The following ZFHX3 variants were observed in gnomAD, a reference collection of about 807,000 sequenced individuals.
The protein encoded by ZFHX3 is zinc finger homeobox 3.
A neutral mutation model predicts 279.1 loss-of-function variants in ZFHX3; 42 were observed. That is an observed-to-expected ratio of 0.15 (90% CI 0.12 to 0.19). The LOEUF (loss-of-function observed/expected upper bound fraction) is 0.19. Among genes scored for constraint, ZFHX3 ranks in the 10% least tolerant of loss-of-function variants. The probability of loss-of-function intolerance (pLI) is 1.00; values close to 1 mark genes in which losing one functional copy is unlikely to be tolerated. For missense variants in ZFHX3, 4,981 were observed against 4,754.0 expected, an observed-to-expected ratio of 1.05 and a Z score of -1.40; for synonymous variants, 2,293 against 1,957.8, an observed-to-expected ratio of 1.17 and a Z score of -4.52.
At chr16:73,036,374 C>T (rs1964904878) in intron 1 of ZFHX3, among the ~76,000 whole-genome samples, 1 of 152,182 alleles carries the variant, frequency 6.6e-6, no homozygotes, top group African/African-American at 2.4e-5. Context: ...CATTTGCATT[C>T]CTCCAGCAGC....
At chr16:73,399,085 C>T (rs2017192838) in intron 3 of ZFHX3, among the ~76,000 whole-genome samples, 1 of 148,572 alleles carries the variant, frequency 6.7e-6, no homozygotes, top group Non-Finnish European at 1.5e-5. Flanking sequence ...GCCATGTTGG[C>T]CAGGCCAGTC....
At chr16:73,033,535 T>G (rs958979886) in intron 1 of ZFHX3, among the ~76,000 whole-genome samples, 1 of 148,670 alleles carries the variant, frequency 6.7e-6, no homozygotes, top group Admixed American at 6.7e-5. Flanking sequence ...AGGCGGGGGG[T>G]GGGGGGGGAC....
At chr16:73,382,472 A>G (rs1325047822) in intron 3 of ZFHX3, among the ~76,000 whole-genome samples, 1 of 152,180 alleles carries the variant, frequency 6.6e-6, no homozygotes, top group Non-Finnish European at 1.5e-5. Flanking sequence ...TTTAAGTGCG[A>G]TTGGAGCCCT....
intron 1 of ZFHX3, among the ~76,000 whole-genome samples, chr16:73,838,222 G>T (rs1488680719): frequency 6.6e-6 from 1 of 152,162 alleles, no homozygotes. Context: ...CTTACATGTT[G>T]CTTTTCCTGT....
intron 2 of ZFHX3, among the ~76,000 whole-genome samples, chr16:73,526,087 G>A (rs909225837): frequency 7.2e-5 from 11 of 152,186 alleles, no homozygotes; most frequent in African/African-American, 1.9e-4. Flanking sequence ...GTCCCTGTCC[G>A]GCACACAATC....
chr16:73,013,040 C>T (rs1315706679), intron 1 of ZFHX3, among the ~76,000 whole-genome samples: 2 of 152,188 alleles, frequency 1.3e-5, no homozygotes, highest in Non-Finnish European at 2.9e-5. Context: ...CAACTAGCAA[C>T]TGGACATTTC....
chr16:73,011,886 C>G (rs1420378691), intron 1 of ZFHX3, among the ~76,000 whole-genome samples: 1 of 152,024 alleles, frequency 6.6e-6, no homozygotes, highest in East Asian at 1.9e-4. Flanking sequence ...TTTGGGTATT[C>G]TGCACTAATT....
intron 2 of ZFHX3, among the ~76,000 whole-genome samples, chr16:73,542,518 T>C (rs1292277624): frequency 2.6e-5 from 4 of 152,130 alleles, no homozygotes; most frequent in African/African-American, 9.7e-5. Flanking sequence ...TAACCTCTCA[T>C]TTTTCAGTGT....
chr16:73,188,240 G>A (rs1201894477), intron 5 of ZFHX3, among the ~76,000 whole-genome samples: 1 of 152,004 alleles, frequency 6.6e-6, no homozygotes, highest in African/African-American at 2.4e-5. Context: ...TGTCACCCAG[G>A]CTGGAGTGCA....
intron 5 of ZFHX3, among the ~76,000 whole-genome samples, chr16:73,194,715 T>TC (rs1481343710): frequency 1.3e-5 from 2 of 152,358 alleles, no homozygotes; most frequent in African/African-American, 4.8e-5. Context: ...GCAATTTTTG[T>TC]CCACACCCAA....
At chr16:72,870,882 G>T (rs1328650633) in intron 4 of ZFHX3, among the ~76,000 whole-genome samples, 1 of 152,066 alleles carries the variant, frequency 6.6e-6, no homozygotes, top group Non-Finnish European at 1.5e-5. Context: ...TTTGATCATT[G>T]TTCTGTGGTT....
chr16:73,860,384 C>T (rs1279368927), intron 1 of ZFHX3, among the ~76,000 whole-genome samples: 12 of 149,334 alleles, frequency 8.0e-5, no homozygotes, highest in African/African-American at 5.0e-5. Flanking sequence ...TTTTCATTCC[C>T]TTACTTTTTT....
chr16:72,969,468 T>C (rs1415733609), intron 1 of ZFHX3, among the ~76,000 whole-genome samples: 3 of 151,948 alleles, frequency 2.0e-5, no homozygotes, highest in African/African-American at 7.3e-5. Flanking sequence ...GTTCCCTAAC[T>C]TTGTGAAAAG....
chr16:73,707,629 T>C (rs1270401568), intron 1 of ZFHX3, among the ~76,000 whole-genome samples: 1 of 148,722 alleles, frequency 6.7e-6, no homozygotes, highest in Non-Finnish European at 1.5e-5. Context: ...TTAGGAGATA[T>C]ACCTAATGCT....
chr16:73,243,652 T>A (rs529394401), intron 5 of ZFHX3, among the ~76,000 whole-genome samples: 1 of 152,316 alleles, frequency 6.6e-6, no homozygotes. Flanking sequence ...AAATTGTGAA[T>A]TGCTTTCATC....
intron 8 of ZFHX3, among the ~76,000 whole-genome samples, chr16:73,077,142 A>T (rs544708630): frequency 6.6e-6 from 1 of 152,032 alleles, no homozygotes; most frequent in Non-Finnish European, 1.5e-5. Flanking sequence ...CCAATCCCCA[A>T]ATTTTCTGAA....
chr16:72,851,951 G>C (rs988217549), intron 4 of ZFHX3, among the ~76,000 whole-genome samples: 3 of 152,184 alleles, frequency 2.0e-5, no homozygotes, highest in Admixed American at 6.5e-5. Context: ...ACGTGGCCAA[G>C]TTAAACAGCT....
chr16:72,986,206 C>T (rs1021753289), intron 1 of ZFHX3, among the ~76,000 whole-genome samples: 2 of 152,082 alleles, frequency 1.3e-5, no homozygotes, highest in South Asian at 2.1e-4. Flanking sequence ...TCCACCCTCA[C>T]CCTGCCCCCA....
chr16:73,614,632 C>T (rs906548849), intron 2 of ZFHX3, among the ~76,000 whole-genome samples: 1 of 152,104 alleles, frequency 6.6e-6, no homozygotes. Flanking sequence ...GCTCTTTTTG[C>T]TGGAATCTGG....
Sources: allele counts gnomAD v4.1 joint callset (sites outside exome capture counted in the v4.1 genomes callset), GRCh38; gene constraint gnomAD v4.1.1; transcripts MANE v1.5; gene names NCBI Gene and HGNC (gene_info 2026-07-23, HGNC 2026-07-21).